The following CTNND2 variants were observed in gnomAD, a reference collection of about 807,000 sequenced individuals.
CTNND2 encodes the protein catenin delta-2.
CTNND2 carries 22 observed loss-of-function variants against 144.4 expected under a neutral mutation model. The ratio of observed to expected loss-of-function variants is 0.15; its 90% CI spans 0.11 to 0.22. CTNND2 has a LOEUF of 0.22. Ranked by LOEUF, CTNND2 falls within the 10% of genes least tolerant of loss-of-function variation. The pLI is 1.00. For synonymous variants in CTNND2, 751 were observed against 695.6 expected (o/e 1.08, Z -1.25); for missense variants, 1,353 against 1,618.8 (o/e 0.84, Z 2.82).
chr5:11,885,132 G>A (rs1442290424), intron 1 of CTNND2, among the ~76,000 whole-genome samples: 1 of 151,978 alleles, frequency 6.6e-6, no homozygotes, highest in African/African-American at 2.4e-5. Flanking sequence ...ACTTTTTGTT[G>A]CTGTTTCCTT....
chr5:11,171,261 T>C (rs1233511098), intron 11 of CTNND2, among the ~76,000 whole-genome samples: 1 of 152,078 alleles, frequency 6.6e-6, no homozygotes, highest in Admixed American at 6.5e-5. Context: ...GCTAAAGTGG[T>C]TACAGAAATC....
intron 3 of CTNND2, among the ~76,000 whole-genome samples, chr5:11,535,959 T>G (rs1774181954): frequency 6.6e-6 from 1 of 152,242 alleles, no homozygotes; most frequent in Admixed American, 6.5e-5. Context: ...AAGGCCAACC[T>G]CACAGGCTTG....
At chr5:11,698,767 C>A (rs1407047106) in intron 2 of CTNND2, among the ~76,000 whole-genome samples, 1 of 151,854 alleles carries the variant, frequency 6.6e-6, no homozygotes, top group African/African-American at 2.4e-5. Flanking sequence ...AGCAATGGAG[C>A]TAGTACCACA....
Position 11,549,781 on chromosome 5 carries a change from G to T in CTNND2, c.287+15163C>A, listed in dbSNP as rs1305294956. Among the ~76,000 whole-genome samples the T allele has an allele frequency of 4.6e-5, 7 of 152,228 alleles. No homozygotes were observed. The East Asian group carries it at 1.2e-3, about 25-fold the overall frequency. On this transcript the variant is annotated intron_variant, in intron 3 of 21. Transcript: ENST00000304623. ...GTGATGAGACTGTGTCCTAAGGAGT[G>T]TGATATTTTCATGTATCACAGCTAT...
chr5:11,056,576 C>T (rs886287862), intron 16 of CTNND2, among the ~76,000 whole-genome samples: 1 of 152,162 alleles, frequency 6.6e-6, no homozygotes, highest in African/African-American at 2.4e-5. Context: ...CCTTAGCCTC[C>T]CGAGCAGCTG....
At chr5:11,601,063 A>G (rs923260525) in intron 2 of CTNND2, among the ~76,000 whole-genome samples, 1 of 152,168 alleles carries the variant, frequency 6.6e-6, no homozygotes. Context: ...TAGTAACACT[A>G]TATATATAGA....
intron 1 of CTNND2, among the ~76,000 whole-genome samples, chr5:11,887,065 G>C (rs963800897): frequency 1.5e-5 from 2 of 136,944 alleles, no homozygotes; most frequent in South Asian, 4.7e-4. Flanking sequence ...CTCACTGCAA[G>C]CTCTGCCTCC....
At chr5:11,720,872 T>C (rs1049899903) in intron 2 of CTNND2, among the ~76,000 whole-genome samples, 4 of 152,180 alleles carry the variant, frequency 2.6e-5, no homozygotes, top group African/African-American at 9.7e-5. Flanking sequence ...TGTGAAGATA[T>C]TGTAATCCTC....
At chr5:11,470,327 G>A (rs1373649418) in intron 3 of CTNND2, among the ~76,000 whole-genome samples, 2 of 152,018 alleles carry the variant, frequency 1.3e-5, no homozygotes, top group Non-Finnish European at 2.9e-5. Flanking sequence ...CCAGCTACTC[G>A]GGAGACTGAG....
At chr5:11,523,957 C>A (rs1772988338) in intron 3 of CTNND2, among the ~76,000 whole-genome samples, 1 of 152,302 alleles carries the variant, frequency 6.6e-6, no homozygotes, top group African/African-American at 2.4e-5. Context: ...GATTCCTCAG[C>A]TAATTAATCC....
chr5:11,248,459 T>G lies in CTNND2; in HGVS notation c.1629-11636A>C, dbSNP rs540034056. Reference sequence around the variant, plus strand: ...AATACATATAGTATGTGTGTGTTTGTACTTATGCACACATATAATGCATAT... The same window carrying G: ...AATACATATAGTATGTGTGTGTTTGGACTTATGCACACATATAATGCATAT... On this transcript the variant is annotated intron_variant, in intron 9 of 21. Transcript: ENST00000304623. 2.0e-5 allele frequency among the ~76,000 whole-genome samples: 3 copies of G among 152,240 alleles called. No individual in the cohort carries two copies. The Middle Eastern group carries it at 0.01, about 518-fold the overall frequency.
chr5:11,240,398 C>CACACACACCCA lies in CTNND2; in HGVS notation c.1629-3586_1629-3576dup, dbSNP rs1742181644. 1.5e-5 allele frequency among the ~76,000 whole-genome samples: 2 copies of CACACACACCCA among 135,384 alleles called. 1 individual carries two copies. The highest frequency in any genetic ancestry group is 3.1e-5 in the Non-Finnish European group (2 of 63,606). 88.8% of individuals were successfully genotyped at this position (135,384 alleles called of 152,430 possible). The stretch of plus-strand genomic sequence containing the variant: ...CACACACATACACTCACACACCCAA[C>CACACACACCCA]ACACACACCCACAACACACACTGAC... On this transcript the variant is annotated intron_variant, in intron 9 of 21. Coordinates refer to ENST00000304623, the MANE Select transcript of CTNND2 (RefSeq NM_001332.4).
intron 10 of CTNND2, among the ~76,000 whole-genome samples, chr5:11,217,202 G>A (rs1160167286): frequency 6.6e-6 from 1 of 152,206 alleles, no homozygotes; most frequent in African/African-American, 2.4e-5. Context: ...TTGCACAATG[G>A]ATGGCTAATC....
chr5:11,473,404 C>T (rs1767417231), intron 3 of CTNND2, among the ~76,000 whole-genome samples: 2 of 152,100 alleles, frequency 1.3e-5, no homozygotes, highest in Admixed American at 6.6e-5. Context: ...ATAATAAAGA[C>T]ATAAGCAACA....
chr5:11,701,713 T>TC (rs5865961), intron 2 of CTNND2, among the ~76,000 whole-genome samples: 152,262 of 152,262 alleles, frequency 1, 76,131 homozygotes, highest in Non-Finnish European at 1. Flanking sequence ...TAATATAAGC[T>TC]CCTGTAGTAT....
intron 1 of CTNND2, among the ~76,000 whole-genome samples, chr5:11,867,267 G>A (rs1220980751): frequency 6.6e-6 from 1 of 152,186 alleles, no homozygotes; most frequent in Non-Finnish European, 1.5e-5. Context: ...ATTGCCCTTT[G>A]CTCAGACTTT....
chr5:11,059,848 T>C (rs1746747917), intron 16 of CTNND2, among the ~76,000 whole-genome samples: 1 of 152,160 alleles, frequency 6.6e-6, no homozygotes, highest in South Asian at 2.1e-4. Context: ...AAACTCTTTT[T>C]GAAATATATG....
intron 3 of CTNND2, among the ~76,000 whole-genome samples, chr5:11,482,047 C>T (rs527413437): frequency 5.1e-4 from 77 of 152,272 alleles, no homozygotes; most frequent in Non-Finnish European, 7.2e-4. Flanking sequence ...TTTAGGTCCA[C>T]GCCTTTGTAC....
chr5:11,142,300 C>A (rs1756812321), intron 12 of CTNND2, among the ~76,000 whole-genome samples: 1 of 152,200 alleles, frequency 6.6e-6, no homozygotes, highest in African/African-American at 2.4e-5. Flanking sequence ...AGCAAGAGAG[C>A]TGCTTCCTAG....
Sources: allele counts gnomAD v4.1 joint callset (sites outside exome capture counted in the v4.1 genomes callset), GRCh38; gene constraint gnomAD v4.1.1; transcripts MANE v1.5; gene names NCBI Gene and HGNC (gene_info 2026-07-23, HGNC 2026-07-21).